UTY: variants seen among roughly 807,000 people sequenced by gnomAD.
UTY encodes the protein histone demethylase UTY.
A neutral mutation model predicts 32.5 loss-of-function variants in UTY; 12 were observed. The observed-to-expected ratio is 0.37, with a 90% confidence interval of 0.24 to 0.60. The LOEUF (loss-of-function observed/expected upper bound fraction) is 0.60, where lower values mean the gene tolerates loss of function less well. Ranked by LOEUF, UTY falls within the 20% of genes least tolerant of loss-of-function variation. The pLI is 0.69. For synonymous variants in UTY, 131 were observed against 103.4 expected, an observed-to-expected ratio of 1.27 and a Z score of -1.62; for missense variants, 303 against 299.2, an observed-to-expected ratio of 1.01 and a Z score of -0.09.
intron 4 of UTY, among the ~76,000 whole-genome samples, chrY:13,442,758 C>T: frequency 3.0e-5 from 1 of 33,756 alleles, no homozygotes; most frequent in Admixed American, 2.7e-4. Flanking sequence ...GGCTGACTTA[C>T]TCGTGCTTCT....
At chrY:13,287,123 G>T in intron 27 of UTY, 1 of 350,133 alleles carries the variant, frequency 2.9e-6, no homozygotes, top group Non-Finnish European at 4.1e-6. Context: ...ACTATTGTGG[G>T]TGTAAAGCCA....
At chrY:13,429,226 T>C in intron 4 of UTY, among the ~76,000 whole-genome samples, 7 of 33,679 alleles carry the variant, frequency 2.1e-4, no homozygotes, top group Admixed American at 1.1e-3. Context: ...GTAGTGAAAG[T>C]TGGATCTTTG....
intron 3 of UTY, among the ~76,000 whole-genome samples, chrY:13,462,218 C>G (rs764716843): frequency 3.0e-5 from 1 of 33,064 alleles, no homozygotes; most frequent in East Asian, 7.8e-4. Context: ...CTGTGAGTCA[C>G]CAAGCTCAAT....
chrY:13,428,625 T>TA (rs2073644733), intron 4 of UTY, among the ~76,000 whole-genome samples: 1 of 33,729 alleles, frequency 3.0e-5, no homozygotes, highest in Non-Finnish European at 7.4e-5. Flanking sequence ...GGTAATACGA[T>TA]ACCTCCAGCT....
At chrY:13,434,806 T>G (rs749283715) in intron 4 of UTY, among the ~76,000 whole-genome samples, 1 of 33,971 alleles carries the variant, frequency 2.9e-5, no homozygotes, top group Admixed American at 2.6e-4. Context: ...CAAAGGGACA[T>G]ATATCTCAAT....
rs752606739 is a variant in UTY, at chrY:13,420,396, T to C, written c.376-5603A>G. 1.3e-3 allele frequency among the ~76,000 whole-genome samples: 42 copies of C among 33,291 alleles called. No homozygotes were observed. The South Asian group carries it at 0.028, about 22-fold the overall frequency. The allele number at this position is 33,291 out of a possible 37,273, so 89.3% of individuals were successfully genotyped here. On this transcript the variant is annotated intron_variant, in intron 4 of 29. Transcript: ENST00000545955. ...CAGGGATACATTACCCAAAACAGCA[T>C]GGTACTGGTCCAAAAATAGATGTTT...
At chrY:13,474,368 A>C in intron 2 of UTY, among the ~76,000 whole-genome samples, 1 of 33,679 alleles carries the variant, frequency 3.0e-5, no homozygotes, top group Admixed American at 2.7e-4. Context: ...AAAATTTGTC[A>C]CTACAAAAAA....
intron 27 of UTY, among the ~76,000 whole-genome samples, chrY:13,269,655 T>C: frequency 3.0e-5 from 1 of 32,854 alleles, no homozygotes; most frequent in Non-Finnish European, 7.6e-5. Flanking sequence ...GGCCGCCCAG[T>C]TTTGTGCTTG....
chrY:13,349,251 C>A (rs2062163757), intron 17 of UTY, among the ~76,000 whole-genome samples: 1 of 32,614 alleles, frequency 3.1e-5, no homozygotes, highest in Non-Finnish European at 7.4e-5. Flanking sequence ...CCTAACACAG[C>A]TAGGGTTTTA....
intron 3 of UTY, among the ~76,000 whole-genome samples, chrY:13,451,351 G>A (rs907298219): frequency 3.1e-5 from 1 of 32,373 alleles, no homozygotes; most frequent in African/African-American, 1.2e-4. Flanking sequence ...CTCAAAAAGC[G>A]TTGCGCAAAT....
At chrY:13,365,868 T>A (rs781777817) in intron 10 of UTY, among the ~76,000 whole-genome samples, 134 of 32,870 alleles carry the variant, frequency 4.1e-3, no homozygotes, top group Middle Eastern at 0.028. Flanking sequence ...TTAATTAATT[T>A]ATTTATTTAT....
intron 3 of UTY, among the ~76,000 whole-genome samples, chrY:13,462,783 G>T (rs2077485195): frequency 6.3e-5 from 2 of 31,510 alleles, no homozygotes; most frequent in Non-Finnish European, 1.5e-4. Context: ...CAATTATTTA[G>T]GGGTGTATAC....
chrY:13,316,994 C>T (rs2059525893), intron 21 of UTY, among the ~76,000 whole-genome samples: 1 of 32,961 alleles, frequency 3.0e-5, no homozygotes, highest in African/African-American at 1.2e-4. Context: ...TTTGAAATAT[C>T]GTAATGAGAT....
At chrY:13,292,960 G>C in intron 27 of UTY, among the ~76,000 whole-genome samples, 1 of 33,145 alleles carries the variant, frequency 3.0e-5, no homozygotes, top group Non-Finnish European at 7.4e-5. Flanking sequence ...CTGAAAAAGT[G>C]AATTTATCCT....
chrY:13,275,267 A>G, intron 27 of UTY, among the ~76,000 whole-genome samples: 1 of 33,656 alleles, frequency 3.0e-5, no homozygotes, highest in African/African-American at 1.2e-4. Flanking sequence ...ATATAGAAAA[A>G]CTGTAGGAGT....
rs768891728 is a variant in UTY, at chrY:13,366,369, A to T, written c.764T>A (p.Leu255Gln). 2.6e-6 allele frequency: 1 copy of T among 388,482 alleles called. No individual in the cohort carries two copies. Among genetic ancestry groups the T allele is most frequent in the South Asian group, 3.1e-5 (1 of 32,191 alleles). The change falls in exon 10 of 30, where the codon CTA becomes CAA. Residue 255 changes from leucine to glutamine, a missense_variant. Transcript: ENST00000545955. ...QLGWMHHNMDLVGDKATKESY... is the reference protein window; with the variant it reads ...QLGWMHHNMDQVGDKATKESY... ...TTCCTTTGTGGCTTTGTCTCCTACT[A>T]GATCCATATTATGATGCATCCAACC...
chrY:13,413,826 C>T, intron 5 of UTY, among the ~76,000 whole-genome samples: 1 of 34,200 alleles, frequency 2.9e-5, no homozygotes, highest in Non-Finnish European at 7.3e-5. Flanking sequence ...ATAGGTCTTG[C>T]CACTCTGCAC....
chrY:13,427,051 T>C (rs962365589), intron 4 of UTY, among the ~76,000 whole-genome samples: 6 of 33,945 alleles, frequency 1.8e-4, no homozygotes, highest in African/African-American at 5.7e-4. Context: ...GATTAAACTG[T>C]AATGTCCAAG....
chrY:13,286,497 A>G, intron 27 of UTY: 1 of 181,853 alleles, frequency 5.5e-6, no homozygotes, highest in South Asian at 5.0e-5. Context: ...TAGGTGACAC[A>G]AGTAAGGTAA....
Sources: gnomAD v4.1 joint callset for allele counts (sites outside exome capture counted in the v4.1 genomes callset) on GRCh38, gnomAD v4.1.1 for gene constraint, MANE v1.5 for transcripts, NCBI Gene and HGNC (gene_info 2026-07-23, HGNC 2026-07-21) for gene names.